LPP: variants seen among roughly 807,000 people sequenced by gnomAD.
LPP encodes the protein lipoma-preferred partner.
In LPP, 38 loss-of-function variants were observed where a neutral mutation model predicts 60.4. The ratio of observed to expected loss-of-function variants is 0.63; its 90% CI spans 0.49 to 0.83. LPP has a LOEUF of 0.83. LPP is among the 40% of genes least tolerant of loss of function. The pLI, the probability that LPP is intolerant of heterozygous loss-of-function variation, is 0.00. For missense variants in LPP, 902 were observed against 783.6 expected (o/e 1.15, Z -1.80); for synonymous variants, 328 against 290.8 (o/e 1.13, Z -1.30).
At chr3:188,761,150 C>T (rs538660038) in intron 9 of LPP, among the ~76,000 whole-genome samples, 4 of 152,166 alleles carry the variant, frequency 2.6e-5, no homozygotes, top group Non-Finnish European at 4.4e-5. Flanking sequence ...TATGTAAACC[C>T]ACAAAACAGT....
intron 4 of LPP, among the ~76,000 whole-genome samples, chr3:188,465,365 A>G (rs534177733): frequency 6.6e-6 from 1 of 152,310 alleles, no homozygotes; most frequent in African/African-American, 2.4e-5. Flanking sequence ...TGTTATGTCC[A>G]AGAAAGCTCA....
At chr3:188,231,298 C>T (rs939465704) in intron 2 of LPP, among the ~76,000 whole-genome samples, 7 of 152,172 alleles carry the variant, frequency 4.6e-5, no homozygotes, top group Non-Finnish European at 8.8e-5. Context: ...CCCAGGTTTA[C>T]ATGGATGTGC....
intron 7 of LPP, among the ~76,000 whole-genome samples, chr3:188,690,384 A>C (rs1861842568): frequency 6.6e-6 from 1 of 152,202 alleles, no homozygotes; most frequent in South Asian, 2.1e-4. Flanking sequence ...TAATGCTAGC[A>C]GAAAGTATTT....
At chr3:188,625,451 T>C (rs1480401544) in intron 7 of LPP, among the ~76,000 whole-genome samples, 2 of 152,184 alleles carry the variant, frequency 1.3e-5, no homozygotes, top group African/African-American at 2.4e-5. Context: ...TTTATAACCA[T>C]TGTGAATTTG....
intron 3 of LPP, among the ~76,000 whole-genome samples, chr3:188,385,074 G>C (rs914733007): frequency 6.6e-6 from 1 of 151,586 alleles, no homozygotes; most frequent in African/African-American, 2.4e-5. Flanking sequence ...ACTTATTTTA[G>C]ACAGTACATC....
At chr3:188,811,388 A>G (rs893503051) in intron 9 of LPP, among the ~76,000 whole-genome samples, 82 of 150,942 alleles carry the variant, frequency 5.4e-4, no homozygotes, top group Middle Eastern at 3.4e-3. Flanking sequence ...ACACACACGC[A>G]CACACGCTCA....
At chr3:188,778,677 G>A (rs557914897) in intron 9 of LPP, among the ~76,000 whole-genome samples, 15 of 152,162 alleles carry the variant, frequency 9.9e-5, no homozygotes, top group Admixed American at 8.5e-4. Flanking sequence ...GAATTGTTAG[G>A]TAAATGAGAA....
intron 9 of LPP, among the ~76,000 whole-genome samples, chr3:188,769,663 G>A (rs531061152): frequency 1.2e-4 from 19 of 152,276 alleles, no homozygotes; most frequent in African/African-American, 4.1e-4. Flanking sequence ...GAGGTTATAC[G>A]ATTTATTAAC....
chr3:188,392,400 A>G (rs1407769146), intron 3 of LPP, among the ~76,000 whole-genome samples: 2 of 152,160 alleles, frequency 1.3e-5, no homozygotes, highest in African/African-American at 4.8e-5. Context: ...GTTCTGTCTT[A>G]AAAAAGCTTG....
chr3:188,399,395 T>C (rs751426274), intron 3 of LPP, among the ~76,000 whole-genome samples: 2 of 151,296 alleles, frequency 1.3e-5, no homozygotes, highest in Non-Finnish European at 2.9e-5. Flanking sequence ...TATAGGAGAG[T>C]GTTATTTAAA....
chr3:188,482,793 T>G (rs192638616), intron 4 of LPP, among the ~76,000 whole-genome samples: 1 of 152,344 alleles, frequency 6.6e-6, no homozygotes, highest in Admixed American at 6.5e-5. Context: ...AGTAGAAATT[T>G]TCTTTATGTT....
intron 3 of LPP, among the ~76,000 whole-genome samples, chr3:188,342,690 T>C (rs1177392374): frequency 6.6e-6 from 1 of 152,160 alleles, no homozygotes; most frequent in East Asian, 1.9e-4. Context: ...TGCACAGACC[T>C]TTGAGAAGAA....
intron 8 of LPP, chr3:188,711,337 G>C (rs9855642): frequency 5.3e-5 from 8 of 152,280 alleles, no homozygotes; most frequent in African/African-American, 1.7e-4. Flanking sequence ...CTGTGAAATA[G>C]ATACTATTAT....
intron 9 of LPP, among the ~76,000 whole-genome samples, 166 bp downstream of exon 9, chr3:188,760,448 G>A (rs973995144): frequency 1.4e-4 from 22 of 151,848 alleles, no homozygotes; most frequent in Non-Finnish European, 2.6e-4. Flanking sequence ...GTGCGCGCAT[G>A]TAAATTAGCA....
intron 2 of LPP, among the ~76,000 whole-genome samples, chr3:188,322,371 A>C (rs1022195073): frequency 1.3e-5 from 2 of 151,974 alleles, no homozygotes; most frequent in African/African-American, 4.8e-5. Context: ...GTGTTGGGTG[A>C]GGGAGCAGGC....
intron 2 of LPP, among the ~76,000 whole-genome samples, chr3:188,231,641 C>A (rs1720012686): frequency 6.6e-6 from 1 of 151,692 alleles, no homozygotes. Context: ...TCCAGGGCCA[C>A]AGAGCCAGCG....
intron 6 of LPP, 106 bp downstream of exon 6, chr3:188,524,893 GTCCGTCCTTCC>G (rs1820065414): frequency 4.7e-6 from 1 of 215,000 alleles, no homozygotes; most frequent in African/African-American, 5.0e-5. Context: ...CCTTCCTTCC[GTCCGTCCTTCC>G]TTCCTTCCTT....
chr3:188,442,217 G>A (rs1794169949), intron 4 of LPP, among the ~76,000 whole-genome samples: 1 of 152,118 alleles, frequency 6.6e-6, no homozygotes, highest in Admixed American at 6.6e-5. Flanking sequence ...TTGGTTTGCT[G>A]CACCCATCAA....
intron 2 of LPP, chr3:188,240,011 C>G (rs1450268915): frequency 5.1e-6 from 1 of 196,228 alleles, no homozygotes; most frequent in African/African-American, 2.3e-5. Context: ...ATGAGTTGCT[C>G]AAGGTCTCAG....
Sources: allele counts gnomAD v4.1 joint callset (sites outside exome capture counted in the v4.1 genomes callset), GRCh38; gene constraint gnomAD v4.1.1; transcripts MANE v1.5; gene names NCBI Gene and HGNC (gene_info 2026-07-23, HGNC 2026-07-21).